LHFPL3: variants seen among roughly 807,000 people sequenced by gnomAD.
LHFPL3 encodes LHFPL tetraspan subfamily member 3 protein.
LHFPL3 carries 5 observed loss-of-function variants against 19.3 expected under a neutral mutation model. The observed-to-expected ratio is 0.26, with a 90% CI of 0.14 to 0.54. The LOEUF (loss-of-function observed/expected upper bound fraction) is 0.54, where lower values mean the gene tolerates loss of function less well. LHFPL3 is among the 20% of genes least tolerant of loss of function. LHFPL3 has a pLI of 0.94. For synonymous variants in LHFPL3, 133 were observed against 126.2 expected (o/e 1.05, Z -0.36); for missense variants, 249 against 307.4 (o/e 0.81, Z 1.42).
At chr7:104,524,838 T>A (rs1000807585) in intron 1 of LHFPL3, among the ~76,000 whole-genome samples, 1 of 152,192 alleles carries the variant, frequency 6.6e-6, no homozygotes, top group Non-Finnish European at 1.5e-5. Flanking sequence ...TATTTGTTCT[T>A]TTCTATTCTC....
At chr7:104,635,322 G>T (rs7782216) in intron 1 of LHFPL3, among the ~76,000 whole-genome samples, 2,942 of 152,234 alleles carry the variant, frequency 0.019, 105 homozygotes, top group African/African-American at 0.067. Context: ...TTTCCAGTTT[G>T]AAAAGGCTTC....
chr7:104,767,047 A>G (rs907979223), intron 2 of LHFPL3, among the ~76,000 whole-genome samples: 1 of 152,262 alleles, frequency 6.6e-6, no homozygotes. Flanking sequence ...ATCACTGAAT[A>G]GCTTCAAATT....
At chr7:104,368,407 C>T (rs1016111136) in intron 1 of LHFPL3, among the ~76,000 whole-genome samples, 3 of 152,142 alleles carry the variant, frequency 2.0e-5, no homozygotes, top group African/African-American at 7.2e-5. Flanking sequence ...TTGATTTTAG[C>T]TTAACAAGAA....
chr7:104,374,629 A>G (rs757199707), intron 1 of LHFPL3, among the ~76,000 whole-genome samples: 2 of 152,160 alleles, frequency 1.3e-5, no homozygotes, highest in African/African-American at 2.4e-5. Flanking sequence ...ACACAGCACC[A>G]TAAGTACTAT....
intron 2 of LHFPL3, among the ~76,000 whole-genome samples, chr7:104,852,933 G>A (rs1461083534): frequency 1.3e-5 from 2 of 152,026 alleles, no homozygotes; most frequent in African/African-American, 2.4e-5. Flanking sequence ...CCTGAGCCCT[G>A]ACCAGCCTGC....
At chr7:104,894,453 C>T (rs1178687202) in intron 2 of LHFPL3, among the ~76,000 whole-genome samples, 1 of 152,130 alleles carries the variant, frequency 6.6e-6, no homozygotes, top group African/African-American at 2.4e-5. Flanking sequence ...TCATTTAACT[C>T]AGAGCATGAC....
chr7:104,542,801 A>G (rs1437664102), intron 1 of LHFPL3, among the ~76,000 whole-genome samples: 13 of 152,182 alleles, frequency 8.5e-5, no homozygotes, highest in Admixed American at 8.5e-4. Context: ...CCCATTACTG[A>G]GTATATACCC....
At chr7:104,500,893 A>G (rs1793587371) in intron 1 of LHFPL3, among the ~76,000 whole-genome samples, 1 of 152,120 alleles carries the variant, frequency 6.6e-6, no homozygotes, top group Non-Finnish European at 1.5e-5. Flanking sequence ...ATGCCTTCTC[A>G]TCCTTCAAGT....
At chr7:104,362,569 T>C (rs1467319659) in intron 1 of LHFPL3, among the ~76,000 whole-genome samples, 1 of 152,218 alleles carries the variant, frequency 6.6e-6, no homozygotes, top group Admixed American at 6.5e-5. Context: ...CTCATGCTGT[T>C]TCCTCAATGC....
chr7:104,668,961 G>T, intron 1 of LHFPL3: 3 of 1,612,446 alleles, frequency 1.9e-6, no homozygotes, highest in African/African-American at 2.7e-5. Context: ...ACCCAAGCTG[G>T]CAAAGTGAAG....
chr7:104,616,444 A>G (rs894993215), intron 1 of LHFPL3, among the ~76,000 whole-genome samples: 1 of 152,122 alleles, frequency 6.6e-6, no homozygotes, highest in Non-Finnish European at 1.5e-5. Context: ...TATGCAGAAA[A>G]CTGAAACTGG....
chr7:104,810,649 C>G (rs116701527), intron 2 of LHFPL3, among the ~76,000 whole-genome samples: 191 of 152,248 alleles, frequency 1.3e-3, no homozygotes, highest in African/African-American at 4.2e-3. Flanking sequence ...TTTGTCCAAA[C>G]AGGCACATGT....
rs533536336 is a variant in LHFPL3 at position 104,784,431 on chromosome 7, C to T, written c.682+47520C>T. On this transcript the variant is annotated intron_variant, in intron 2 of 2. Coordinates refer to ENST00000424859, the MANE Select transcript of LHFPL3 (RefSeq NM_199000.3). ...TTTGAGGATTAAATAAAATAATGCA[C>T]ATACTCTGCTCAGCACACAGCTAAT... Among the ~76,000 whole-genome samples the T allele has an allele frequency of 3.3e-5, 5 of 152,278 alleles. No individual in the cohort carries two copies. The South Asian group carries it at 8.3e-4, about 25-fold the overall frequency.
intron 2 of LHFPL3, among the ~76,000 whole-genome samples, chr7:104,769,795 A>G (rs1293696672): frequency 6.6e-6 from 1 of 152,222 alleles, no homozygotes; most frequent in Non-Finnish European, 1.5e-5. Flanking sequence ...ATGTCCATCA[A>G]TAATAGACTG....
Position 104,550,166 on chromosome 7 carries a change from A to G in LHFPL3, c.446-186509A>G, listed in dbSNP as rs183581220. On this transcript the variant is annotated intron_variant, in intron 1 of 2. Transcript: ENST00000424859. The stretch of plus-strand genomic sequence containing the variant: ...TCTTTGTTCTACTAAGGCTTCCAAA[A>G]AATTGGATGATGCTCACCCACATTA... Among the ~76,000 whole-genome samples, 131 of 152,254 alleles carry G rather than the reference A, an allele frequency of 8.6e-4. 3 individuals carry two copies. The East Asian group carries it at 0.025, about 29-fold the overall frequency.
intron 2 of LHFPL3, among the ~76,000 whole-genome samples, chr7:104,854,267 T>C (rs1351863738): frequency 1.4e-5 from 2 of 144,456 alleles, no homozygotes; most frequent in African/African-American, 4.9e-5. Context: ...GGTAAACAAG[T>C]GGAAGGTTTG....
In LHFPL3 at chr7:104,406,888, T is replaced by TTTG. The variant is rs199859902; in HGVS notation, c.445+77666_445+77667insGTT. 6.6e-5 allele frequency among the ~76,000 whole-genome samples: 10 copies of TTTG among 152,102 alleles called. No individual in the cohort carries two copies. In the East Asian group the frequency reaches 2.0e-3, roughly 31 times the overall value. On this transcript the variant is annotated intron_variant, in intron 1 of 2. Transcript: ENST00000424859. ...TTCCAGGGTAGCTGCATAGTCTATC[T>TTTG]TTCTGGAAACCTGTGTTTAATAACT... is the stretch of plus-strand genomic sequence containing the variant.
intron 1 of LHFPL3, among the ~76,000 whole-genome samples, chr7:104,734,914 G>A (rs926347848): frequency 6.6e-6 from 1 of 152,190 alleles, no homozygotes; most frequent in Non-Finnish European, 1.5e-5. Flanking sequence ...TGGCCTTTCT[G>A]TTTGTTAGTT....
rs1014557 is a variant in LHFPL3, at chr7:104,394,117, C to G, written c.445+64893C>G. 6.3e-3 allele frequency among the ~76,000 whole-genome samples: 952 copies of G among 152,246 alleles called. 82 individuals carry two copies. The East Asian group carries it at 0.16, about 26-fold the overall frequency. On this transcript the variant is annotated intron_variant, in intron 1 of 2. Coordinates refer to ENST00000424859, the MANE Select transcript of LHFPL3 (RefSeq NM_199000.3). ...TTAGTATGTGAATTATGTTTTAATA[C>G]AACTGTTCTTTAAAACTCTACTTCA...
Sources: gnomAD v4.1 joint callset for allele counts (sites outside exome capture counted in the v4.1 genomes callset) on GRCh38, gnomAD v4.1.1 for gene constraint, MANE v1.5 for transcripts, NCBI Gene and HGNC (gene_info 2026-07-23, HGNC 2026-07-21) for gene names.